DCHS2: variants seen among roughly 807,000 people sequenced by gnomAD.
DCHS2 encodes dachsous cadherin-related 2.
In DCHS2, 142 loss-of-function variants were observed where a neutral mutation model predicts 182.4. The observed-to-expected ratio is 0.78, with a 90% confidence interval of 0.68 to 0.89. The LOEUF (loss-of-function observed/expected upper bound fraction) is 0.89, where lower values mean the gene tolerates loss of function less well. DCHS2 is among the 40% of genes least tolerant of loss of function. DCHS2 has a pLI of 0.00. For synonymous variants in DCHS2, 1,740 were observed against 1,663.3 expected, an observed-to-expected ratio of 1.05 and a Z score of -1.12; for missense variants, 4,319 against 4,198.6, an observed-to-expected ratio of 1.03 and a Z score of -0.79.
At chr4:154,410,711 A>G (rs373716678) in intron 1 of DCHS2, among the ~76,000 whole-genome samples, 2 of 152,198 alleles carry the variant, frequency 1.3e-5, no homozygotes, top group South Asian at 2.1e-4. Context: ...TTATTTAATG[A>G]AATAATTCCC....
intron 15 of DCHS2, among the ~76,000 whole-genome samples, chr4:154,258,968 T>C (rs183299792): frequency 2.6e-5 from 4 of 152,156 alleles, no homozygotes; most frequent in Non-Finnish European, 5.9e-5. Flanking sequence ...CTCAATTCAA[T>C]AGTGGAGGGA....
chr4:154,234,938 A>G lies in DCHS2; in HGVS notation c.9714T>C (p.Leu3238=), dbSNP rs111245682. The G allele has an allele frequency of 2.6e-5, 42 of 1,614,000 alleles. 1 individual carries two copies. The African/African-American group carries it at 3.2e-4, about 12-fold the overall frequency. ...GKDNYHWNYL[L]SWEPKFQPLA... is the part of the protein sequence containing the mutation. Reference sequence around the variant, plus strand: ...GAGGTTGGAATTTGGGCTCCCAACTAAGAAGATAATTCCAGTGATAGTTGT... The same window carrying G: ...GAGGTTGGAATTTGGGCTCCCAACTGAGAAGATAATTCCAGTGATAGTTGT... Residue 3238 remains leucine, a synonymous_variant, in exon 20 of 20, where the codon CTT becomes CTC. Transcript: ENST00000357232.
chr4:154,294,131 G>A (rs1734807451), intron 13 of DCHS2, among the ~76,000 whole-genome samples: 1 of 152,150 alleles, frequency 6.6e-6, no homozygotes, highest in African/African-American at 2.4e-5. Context: ...TCATATCTTA[G>A]ACTTATAACT....
chr4:154,300,189 G>A (rs956096676), intron 12 of DCHS2, among the ~76,000 whole-genome samples: 1 of 152,214 alleles, frequency 6.6e-6, no homozygotes, highest in African/African-American at 2.4e-5. Context: ...GTAGGAAAAG[G>A]GCTGGCAGTA....
intron 1 of DCHS2, among the ~76,000 whole-genome samples, chr4:154,385,983 G>A (rs910140639): frequency 2.6e-5 from 4 of 151,964 alleles, no homozygotes; most frequent in Non-Finnish European, 4.4e-5. Flanking sequence ...CACCTCACAC[G>A]TCTTAAGTGA....
intron 14 of DCHS2, among the ~76,000 whole-genome samples, chr4:154,260,172 C>A (rs1173056683): frequency 2.0e-5 from 3 of 152,202 alleles, no homozygotes; most frequent in Non-Finnish European, 4.4e-5. Context: ...GTGCTCACAG[C>A]TCACCTGTCC....
rs1027501438 is a variant in DCHS2 at position 154,240,408 on chromosome 4, C to T, written c.7359+129G>A. ...GTGATATTAAGTGTAAAACCCGCAG[C>T]GTTAACTTAGGCACTACAAACAGTG... On this transcript the variant is annotated intron_variant, in intron 18 of 19. Coordinates refer to ENST00000357232, the MANE Select transcript of DCHS2 (RefSeq NM_001358235.2). 98 of 1,111,722 alleles carry T rather than the reference C, an allele frequency of 8.8e-5. No individual in the cohort carries two copies. The East Asian group carries it at 2.4e-3, about 27-fold the overall frequency. The allele number at this position is 1,111,722 out of a possible 1,614,324, so 68.9% of individuals were successfully genotyped here.
intron 3 of DCHS2, among the ~76,000 whole-genome samples, chr4:154,356,981 C>T (rs1729902067): frequency 6.6e-6 from 1 of 152,042 alleles, no homozygotes; most frequent in Non-Finnish European, 1.5e-5. Flanking sequence ...TAGTTGTTTT[C>T]TTCCTTCATC....
In DCHS2 at chr4:154,235,811, T is replaced by C. The variant is rs764925333; in HGVS notation, c.8841A>G (p.Gln2947=). ...LIRALPLIKS[Q]LNKEDTLEMK... ...TTTCCAAGGTGTCTTCTTTGTTGAG[T>C]TGACTTTTTATTAGGGGAAGGGCTC... The change falls in exon 20 of 20, where the codon CAA becomes CAG. Residue 2947 remains glutamine (Q), a synonymous_variant. Coordinates refer to ENST00000357232, the MANE Select transcript of DCHS2 (RefSeq NM_001358235.2). 1.9e-6 allele frequency: 3 copies of C among 1,613,626 alleles called. No homozygotes were observed. The highest frequency in any genetic ancestry group is 2.2e-5 in the South Asian group (2 of 91,008).
At chr4:154,450,354 G>C (rs1159904551) in intron 1 of DCHS2, among the ~76,000 whole-genome samples, 1 of 152,140 alleles carries the variant, frequency 6.6e-6, no homozygotes, top group Admixed American at 6.6e-5. Context: ...ATTCTTGCTT[G>C]GACTGTGCAT....
At chr4:154,432,381 A>G (rs1733595211) in intron 1 of DCHS2, among the ~76,000 whole-genome samples, 1 of 152,222 alleles carries the variant, frequency 6.6e-6, no homozygotes, top group African/African-American at 2.4e-5. Context: ...TGGTTGTCTT[A>G]AAACAAGCCA....
intron 2 of DCHS2, 76 bp from the exon 3 acceptor site, chr4:154,366,517 T>C (rs942150617): frequency 1.0e-6 from 1 of 955,958 alleles, no homozygotes; most frequent in Non-Finnish European, 1.6e-6. Flanking sequence ...ACAATGGCCC[T>C]ACAATAGTCT....
intron 12 of DCHS2, among the ~76,000 whole-genome samples, chr4:154,300,645 GTGC>G (rs1412331491): frequency 1.3e-4 from 20 of 151,944 alleles, no homozygotes; most frequent in African/African-American, 4.8e-4. Flanking sequence ...AGCTGTGATT[GTGC>G]TGCTGCGGTG....
chr4:154,312,054 T>A (rs1330065681), intron 10 of DCHS2, among the ~76,000 whole-genome samples: 1 of 152,112 alleles, frequency 6.6e-6, no homozygotes, highest in Non-Finnish European at 1.5e-5. Context: ...AAGGAAAACA[T>A]AACAGCACTA....
intron 1 of DCHS2, among the ~76,000 whole-genome samples, chr4:154,452,143 G>T (rs1734561253): frequency 6.6e-6 from 1 of 152,118 alleles, no homozygotes; most frequent in African/African-American, 2.4e-5. Flanking sequence ...ATGGGTTTGT[G>T]CCCATGTTGA....
intron 3 of DCHS2, among the ~76,000 whole-genome samples, chr4:154,347,980 C>T (rs1365152940): frequency 6.6e-6 from 1 of 151,940 alleles, no homozygotes; most frequent in Non-Finnish European, 1.5e-5. Flanking sequence ...AGGTGGCAGA[C>T]TCTTATAGTT....
At chr4:154,481,700 G>T (rs577838594) in intron 1 of DCHS2, among the ~76,000 whole-genome samples, 1 of 152,112 alleles carries the variant, frequency 6.6e-6, no homozygotes, top group Non-Finnish European at 1.5e-5. Context: ...TCATTTAATC[G>T]CCACAATAAC....
At chr4:154,407,988 G>A (rs945094584) in intron 1 of DCHS2, among the ~76,000 whole-genome samples, 11 of 145,474 alleles carry the variant, frequency 7.6e-5, no homozygotes, top group African/African-American at 2.3e-4. Flanking sequence ...CCCAAGTACC[G>A]TCCACCTCTC....
intron 3 of DCHS2, among the ~76,000 whole-genome samples, chr4:154,349,707 TA>T (rs1363377122): frequency 6.6e-6 from 1 of 152,208 alleles, no homozygotes; most frequent in Admixed American, 6.5e-5. Flanking sequence ...GCCTTTATGG[TA>T]AAACTCATGC....
Sources: allele counts gnomAD v4.1 joint callset (sites outside exome capture counted in the v4.1 genomes callset), GRCh38; gene constraint gnomAD v4.1.1; transcripts MANE v1.5; gene names NCBI Gene and HGNC (gene_info 2026-07-23, HGNC 2026-07-21).